PRKCE: variants seen among roughly 807,000 people sequenced by gnomAD.
PRKCE encodes the protein protein kinase C epsilon.
PRKCE carries 16 observed loss-of-function variants against 85.4 expected under a neutral mutation model. That is an observed-to-expected ratio of 0.19 (90% CI 0.13 to 0.28). The LOEUF (loss-of-function observed/expected upper bound fraction) is 0.28, where lower values mean the gene tolerates loss of function less well. PRKCE is among the 10% of genes least tolerant of loss of function. The pLI is 1.00. For synonymous variants in PRKCE, 388 were observed against 371.5 expected (o/e 1.04, Z -0.51); for missense variants, 573 against 975.2 (o/e 0.59, Z 5.49).
chr2:45,857,675 A>G (rs1558758741), intron 2 of PRKCE, among the ~76,000 whole-genome samples: 1 of 151,928 alleles, frequency 6.6e-6, no homozygotes, highest in Non-Finnish European at 1.5e-5. Context: ...GGCCTCCCAA[A>G]GTGCTGGGAT....
chr2:46,004,746 G>A lies in PRKCE; in HGVS notation c.1063+108G>A. 1 of 963,938 alleles carries A rather than the reference G, an allele frequency of 1.0e-6. No individual in the cohort carries two copies. Among genetic ancestry groups the A allele is most frequent in the Non-Finnish European group, 1.6e-6 (1 of 635,114 alleles). The allele number at this position is 963,938 out of a possible 1,614,324, so 59.7% of individuals were successfully genotyped here. Reference sequence around the variant, plus strand: ...GTGAGCTTGTTAGCTGAAATAGCTAGCAGCCCTGGTGGGTTTTCACACACC... The same window carrying A: ...GTGAGCTTGTTAGCTGAAATAGCTAACAGCCCTGGTGGGTTTTCACACACC... On this transcript the variant is annotated intron_variant, in intron 8 of 14. Coordinates refer to ENST00000306156, the MANE Select transcript of PRKCE (RefSeq NM_005400.3). The surrounding 1 kb of genome is among the most constrained non-coding windows in gnomAD (Gnocchi z 4.1).
chr2:45,718,177 A>G (rs1680302416), intron 1 of PRKCE, among the ~76,000 whole-genome samples: 1 of 152,070 alleles, frequency 6.6e-6, no homozygotes, highest in Admixed American at 6.6e-5. Flanking sequence ...TGCCCACTAA[A>G]TGTCAATAGC....
chr2:45,813,928 C>G (rs1480232809), intron 1 of PRKCE, among the ~76,000 whole-genome samples: 1 of 152,274 alleles, frequency 6.6e-6, no homozygotes, highest in Middle Eastern at 3.4e-3. Flanking sequence ...AGCTAAACCT[C>G]CAAGACACGT....
chr2:45,948,875 G>A (rs1255782324), intron 2 of PRKCE, among the ~76,000 whole-genome samples: 1 of 152,130 alleles, frequency 6.6e-6, no homozygotes, highest in Admixed American at 6.6e-5. Context: ...ACATTGTTTT[G>A]TAACTTGCTT....
chr2:45,722,848 C>A (rs1251591773), intron 1 of PRKCE, among the ~76,000 whole-genome samples: 4 of 152,226 alleles, frequency 2.6e-5, no homozygotes, highest in African/African-American at 9.6e-5. Context: ...CGCCTGTAAT[C>A]CCAGCTCTTT....
At chr2:45,856,860 A>G (rs1361582134) in intron 2 of PRKCE, among the ~76,000 whole-genome samples, 2 of 152,142 alleles carry the variant, frequency 1.3e-5, no homozygotes, top group African/African-American at 4.8e-5. Flanking sequence ...CAGGTTCATC[A>G]TGTTGCTGCA....
intron 1 of PRKCE, among the ~76,000 whole-genome samples, chr2:45,691,678 C>G (rs1176321513): frequency 6.6e-6 from 1 of 152,202 alleles, no homozygotes. Flanking sequence ...CCTTCCCTCC[C>G]CACGCCCCCT....
In PRKCE at chr2:45,651,715, C is replaced by T. The variant is rs1675130069; in HGVS notation, c.-386C>T. 6.1e-6 allele frequency: 1 copy of T among 164,634 alleles called. No homozygotes were observed. The highest frequency in any genetic ancestry group is 2.4e-5 in the African/African-American group (1 of 41,582). 10.2% of individuals were successfully genotyped at this position (164,634 alleles called of 1,614,324 possible). On this transcript the variant is annotated 5_prime_UTR_variant, in exon 1 of 15. Transcript: ENST00000306156. ...TATGTTTCGGAAAGGTAGGTAAGCGCCGGGCGCGGCGCCCGCTTTCCCGCA... is the reference window on the plus strand; with the variant it reads ...TATGTTTCGGAAAGGTAGGTAAGCGTCGGGCGCGGCGCCCGCTTTCCCGCA...
At chr2:45,922,583 C>T (rs1253106087) in intron 2 of PRKCE, among the ~76,000 whole-genome samples, 1 of 152,156 alleles carries the variant, frequency 6.6e-6, no homozygotes, top group East Asian at 1.9e-4. Flanking sequence ...TTAAACCCTT[C>T]CCCCCAGGCT....
chr2:46,003,377 T>C (rs1319055162), intron 7 of PRKCE, among the ~76,000 whole-genome samples: 1 of 152,226 alleles, frequency 6.6e-6, no homozygotes, highest in Non-Finnish European at 1.5e-5. Flanking sequence ...TAATGGAGAC[T>C]CAAAGTGGAT....
intron 1 of PRKCE, among the ~76,000 whole-genome samples, chr2:45,750,676 A>C (rs7579246): frequency 0.083 from 12,573 of 152,264 alleles, 607 homozygotes; most frequent in African/African-American, 0.13. Flanking sequence ...TTTTCTTCCC[A>C]CATGAAATGG....
At chr2:45,676,708 T>A (rs1472591439) in intron 1 of PRKCE, 1 of 152,152 alleles carries the variant, frequency 6.6e-6, no homozygotes, top group East Asian at 1.9e-4. Flanking sequence ...AGGGAGCGAG[T>A]AAAGGCCATG....
Position 45,911,717 on chromosome 2 carries a change from C to T in PRKCE, c.413-64712C>T, listed in dbSNP as rs540689154. ...GGAAGCTGGAGGGATTGCCCCACAA[C>T]GGTCACAGGTGACAAAGGTGAGCTG... is the stretch of plus-strand genomic sequence containing the variant. On this transcript the variant is annotated intron_variant, in intron 2 of 14. Transcript: ENST00000306156. Among the ~76,000 whole-genome samples the T allele has an allele frequency of 5.9e-5, 9 of 152,340 alleles. No individual in the cohort carries two copies. The South Asian group carries it at 1.0e-3, about 18-fold the overall frequency.
At chr2:46,002,386 T>C (rs1489822843) in intron 7 of PRKCE, among the ~76,000 whole-genome samples, 2 of 152,230 alleles carry the variant, frequency 1.3e-5, no homozygotes, top group Non-Finnish European at 1.5e-5. Flanking sequence ...CAAGTCTGAC[T>C]CTAGGTACCT....
rs371157477 is a variant in PRKCE at position 45,946,135 on chromosome 2, T to C, written c.413-30294T>C. Among the ~76,000 whole-genome samples, 92 of 152,356 alleles carry C rather than the reference T, an allele frequency of 6.0e-4. 1 individual carries two copies. Among genetic ancestry groups the C allele is most frequent in the Middle Eastern group, 6.8e-3 (2 of 294 alleles). ...GATACCAACCAAGGTGGCCAGAGTT[T>C]GCAGAACCACTTTGTAAAGGAATGA... On this transcript the variant is annotated intron_variant, in intron 2 of 14. Transcript: ENST00000306156.
At chr2:45,967,312 C>G (rs1328348328) in intron 2 of PRKCE, among the ~76,000 whole-genome samples, 1 of 152,158 alleles carries the variant, frequency 6.6e-6, no homozygotes, top group African/African-American at 2.4e-5. Context: ...CCATCTGAAC[C>G]CATCACATTT....
intron 2 of PRKCE, among the ~76,000 whole-genome samples, chr2:45,864,894 T>C (rs1284714815): frequency 2.6e-5 from 4 of 152,118 alleles, no homozygotes; most frequent in African/African-American, 9.7e-5. Context: ...TACATCAACA[T>C]CACCTGCAGG....
chr2:45,758,224 C>G (rs980791436), intron 1 of PRKCE, among the ~76,000 whole-genome samples: 1 of 152,290 alleles, frequency 6.6e-6, no homozygotes, highest in Admixed American at 6.5e-5. Context: ...GTTTTTCCAT[C>G]TGTGAAATGG....
chr2:46,092,172 G>C (rs1479035279), intron 11 of PRKCE, among the ~76,000 whole-genome samples: 1 of 152,226 alleles, frequency 6.6e-6, no homozygotes, highest in Non-Finnish European at 1.5e-5. Flanking sequence ...GTGATTGCTG[G>C]AAGTCAGACT....
Sources: allele counts gnomAD v4.1 joint callset (sites outside exome capture counted in the v4.1 genomes callset), GRCh38; gene constraint gnomAD v4.1.1; non-coding constraint Gnocchi (gnomAD v3.1); transcripts MANE v1.5; gene names NCBI Gene and HGNC (gene_info 2026-07-23, HGNC 2026-07-21).